Variants in GALNT17 observed in about 807,000 individuals in gnomAD.
GALNT17 encodes polypeptide N-acetylgalactosaminyltransferase 17.
GALNT17 carries 29 observed loss-of-function variants against 63.7 expected under a neutral mutation model. The ratio of observed to expected loss-of-function variants is 0.46; its 90% CI spans 0.34 to 0.62. GALNT17 has a LOEUF of 0.62. Ranked by LOEUF, GALNT17 falls within the 20% of genes least tolerant of loss-of-function variation. The pLI is 0.01. For synonymous variants in GALNT17, 305 were observed against 318.3 expected, an observed-to-expected ratio of 0.96 and a Z score of 0.45; for missense variants, 603 against 799.6, an observed-to-expected ratio of 0.75 and a Z score of 2.97.
chr7:71,527,768 C>T (rs1399623505), intron 5 of GALNT17, among the ~76,000 whole-genome samples: 3 of 152,132 alleles, frequency 2.0e-5, no homozygotes, highest in African/African-American at 4.8e-5. Context: ...TATGCGCACG[C>T]GTGCATGCAT....
chr7:71,407,166 T>G (rs1380649337), intron 3 of GALNT17, among the ~76,000 whole-genome samples: 1 of 152,174 alleles, frequency 6.6e-6, no homozygotes, highest in Non-Finnish European at 1.5e-5. Flanking sequence ...ACATCCAGTC[T>G]TGAAGAGCTC....
chr7:71,275,324 G>A (rs995748239), intron 1 of GALNT17, among the ~76,000 whole-genome samples: 11 of 152,120 alleles, frequency 7.2e-5, no homozygotes, highest in African/African-American at 1.9e-4. Flanking sequence ...TCAGCACTTC[G>A]GGAGGCTGAG....
At chr7:71,376,024 A>G (rs1294299313) in intron 2 of GALNT17, among the ~76,000 whole-genome samples, 1 of 152,032 alleles carries the variant, frequency 6.6e-6, no homozygotes, top group Non-Finnish European at 1.5e-5. Context: ...GGTCACAGTG[A>G]GCCAAGATTG....
intron 3 of GALNT17, among the ~76,000 whole-genome samples, chr7:71,389,189 A>G (rs900658521): frequency 6.6e-6 from 1 of 151,574 alleles, no homozygotes; most frequent in African/African-American, 2.4e-5. Flanking sequence ...GCTGGAGTGC[A>G]GTGGTATGAT....
intron 5 of GALNT17, among the ~76,000 whole-genome samples, chr7:71,457,978 A>G (rs1787384446): frequency 6.6e-6 from 1 of 152,092 alleles, no homozygotes; most frequent in Admixed American, 6.5e-5. Context: ...CAGGGACACC[A>G]CTGCCCACCC....
intron 1 of GALNT17, among the ~76,000 whole-genome samples, chr7:71,152,955 C>G (rs1449576193): frequency 6.6e-6 from 1 of 152,134 alleles, no homozygotes; most frequent in East Asian, 1.9e-4. Context: ...AGAGTAAGTT[C>G]ACAGGTATTT....
chr7:71,693,287 C>CATATATATATAT (rs1584142481), intron 9 of GALNT17, among the ~76,000 whole-genome samples: 2 of 120,574 alleles, frequency 1.7e-5, no homozygotes, highest in East Asian at 1.3e-3. Flanking sequence ...CACACACACA[C>CATATATATATAT]ACACACACAC....
intron 5 of GALNT17, among the ~76,000 whole-genome samples, chr7:71,464,769 A>G (rs1476566559): frequency 3.9e-5 from 6 of 152,144 alleles, no homozygotes; most frequent in Non-Finnish European, 7.4e-5. Context: ...AGAGACAGAC[A>G]TGAGAAGAGA....
intron 2 of GALNT17, among the ~76,000 whole-genome samples, chr7:71,376,422 G>GTTTT (rs1792726049): frequency 1.6e-5 from 1 of 63,550 alleles, no homozygotes; most frequent in African/African-American, 6.4e-5. Flanking sequence ...AAGGTTTGGA[G>GTTTT]TTGTTTTTTT....
intron 1 of GALNT17, among the ~76,000 whole-genome samples, chr7:71,160,465 A>AT (rs574069374): frequency 1.5e-4 from 22 of 149,612 alleles, no homozygotes; most frequent in South Asian, 4.3e-4. Context: ...TGTGATGAAC[A>AT]TTTTTTTTTT....
At chr7:71,266,796 A>C (rs1460139479) in intron 1 of GALNT17, among the ~76,000 whole-genome samples, 2 of 152,184 alleles carry the variant, frequency 1.3e-5, no homozygotes, top group African/African-American at 4.8e-5. Context: ...ACCGGGTTGC[A>C]TGAGGGAAGA....
chr7:71,473,919 G>A (rs544814646), intron 5 of GALNT17, among the ~76,000 whole-genome samples: 3 of 152,342 alleles, frequency 2.0e-5, no homozygotes, highest in Non-Finnish European at 2.9e-5. Context: ...TAAAGTAAAA[G>A]CAAGTTTATT....
intron 8 of GALNT17, among the ~76,000 whole-genome samples, chr7:71,671,047 A>T (rs1225706873): frequency 2.6e-5 from 4 of 152,100 alleles, no homozygotes; most frequent in African/African-American, 9.7e-5. Context: ...ATCATGAAAT[A>T]TTTTTTGTCA....
intron 9 of GALNT17, among the ~76,000 whole-genome samples, chr7:71,703,029 ATT>A (rs1791674189): frequency 6.6e-6 from 1 of 152,166 alleles, no homozygotes; most frequent in Non-Finnish European, 1.5e-5. Flanking sequence ...ATTGAGAGAA[ATT>A]TTTGGTTTGG....
At chr7:71,510,101 C>T (rs570274684) in intron 5 of GALNT17, among the ~76,000 whole-genome samples, 8 of 152,126 alleles carry the variant, frequency 5.3e-5, no homozygotes, top group Non-Finnish European at 8.8e-5. Flanking sequence ...TGCACCACTG[C>T]GCCTGGCTAA....
chr7:71,529,668 G>T (rs1014710592), intron 5 of GALNT17, among the ~76,000 whole-genome samples: 1 of 152,126 alleles, frequency 6.6e-6, no homozygotes, highest in Non-Finnish European at 1.5e-5. Context: ...GCTTCAAGTA[G>T]CATTCTTTAT....
intron 5 of GALNT17, among the ~76,000 whole-genome samples, chr7:71,449,839 C>T (rs1156922865): frequency 1.3e-5 from 2 of 151,904 alleles, no homozygotes; most frequent in Non-Finnish European, 2.9e-5. Context: ...GTTGGAAGTT[C>T]GAGACCAGCC....
chr7:71,399,093 G>A (rs1793191270), intron 3 of GALNT17, among the ~76,000 whole-genome samples: 1 of 152,056 alleles, frequency 6.6e-6, no homozygotes, highest in Admixed American at 6.6e-5. Flanking sequence ...AATTAGCTGG[G>A]TGTGGTGGTG....
At chr7:71,309,317 T>G (rs1232478288) in intron 1 of GALNT17, among the ~76,000 whole-genome samples, 2 of 152,180 alleles carry the variant, frequency 1.3e-5, no homozygotes. Flanking sequence ...CTTGCCATCC[T>G]GCCCAGCTAC....
Sources: allele counts gnomAD v4.1 joint callset (sites outside exome capture counted in the v4.1 genomes callset), GRCh38; gene constraint gnomAD v4.1.1; transcripts MANE v1.5; gene names NCBI Gene and HGNC (gene_info 2026-07-23, HGNC 2026-07-21).